The following TMEM132C variants were observed in gnomAD, a reference collection of about 807,000 sequenced individuals.
TMEM132C encodes protein phosphatase 1, regulatory subunit 152.
TMEM132C carries 29 observed loss-of-function variants against 61.4 expected under a neutral mutation model. That is an observed-to-expected ratio of 0.47 (90% CI 0.35 to 0.64). The LOEUF (loss-of-function observed/expected upper bound fraction) is 0.64, where lower values mean the gene tolerates loss of function less well. Among genes scored for constraint, TMEM132C ranks in the 30% least tolerant of loss-of-function variants. TMEM132C has a pLI of 0.00. For synonymous variants in TMEM132C, 656 were observed against 633.1 expected, an observed-to-expected ratio of 1.04 and a Z score of -0.54; for missense variants, 1,408 against 1,476.9, an observed-to-expected ratio of 0.95 and a Z score of 0.76.
Position 128,552,410 on chromosome 12 carries a change from A to G in TMEM132C, c.1121+8307A>G, listed in dbSNP as rs111421166. 4.5e-3 allele frequency among the ~76,000 whole-genome samples: 693 copies of G among 152,346 alleles called. 11 individuals carry two copies. Among genetic ancestry groups the G allele is most frequent in the African/African-American group, 0.016 (661 of 41,584 alleles). Reference sequence around the variant, plus strand: ...TACATTATTTCAGTAAATCTTTCTAACGGTCTCATGAACTGAGGTATCATA... The same window carrying G: ...TACATTATTTCAGTAAATCTTTCTAGCGGTCTCATGAACTGAGGTATCATA... On this transcript the variant is annotated intron_variant, in intron 3 of 8. Coordinates refer to ENST00000435159, the MANE Select transcript of TMEM132C (RefSeq NM_001136103.3).
intron 1 of TMEM132C, among the ~76,000 whole-genome samples, chr12:128,272,991 G>A (rs1870572378): frequency 6.6e-6 from 1 of 152,120 alleles, no homozygotes; most frequent in Non-Finnish European, 1.5e-5. Context: ...ATGATGTTTA[G>A]TTTATTAATA....
At chr12:128,505,069 GC>G (rs1872313254) in intron 2 of TMEM132C, among the ~76,000 whole-genome samples, 1 of 149,188 alleles carries the variant, frequency 6.7e-6, no homozygotes, top group African/African-American at 2.4e-5. Context: ...GTGTTAGAGA[GC>G]CCTAGTGAGC....
intron 4 of TMEM132C, among the ~76,000 whole-genome samples, chr12:128,623,721 T>C (rs1953988862): frequency 3.3e-5 from 5 of 151,804 alleles, no homozygotes; most frequent in Admixed American, 2.6e-4. Flanking sequence ...GACAGGAGAA[T>C]CACTTGAACC....
At chr12:128,365,060 ACTT>A (rs1873820873) in intron 1 of TMEM132C, among the ~76,000 whole-genome samples, 3 of 152,244 alleles carry the variant, frequency 2.0e-5, no homozygotes, top group African/African-American at 7.2e-5. Flanking sequence ...TGATGGAGGG[ACTT>A]GGAGAACTGG....
intron 7 of TMEM132C, 132 bp downstream of exon 7, chr12:128,696,235 C>G (rs904070407): frequency 7.9e-7 from 1 of 1,273,076 alleles, no homozygotes; most frequent in East Asian, 2.6e-5. Flanking sequence ...GGAAGATGAG[C>G]CCAGGCCAGA....
chr12:128,421,495 A>G (rs1868987251), intron 2 of TMEM132C, among the ~76,000 whole-genome samples: 1 of 152,206 alleles, frequency 6.6e-6, no homozygotes, highest in Admixed American at 6.5e-5. Context: ...TCTTCGCACA[A>G]TGGTTTCACT....
At chr12:128,607,158 A>C (rs571016343) in intron 3 of TMEM132C, among the ~76,000 whole-genome samples, 1 of 152,288 alleles carries the variant, frequency 6.6e-6, no homozygotes, top group South Asian at 2.1e-4. Context: ...TGTGTGACCA[A>C]AGATTATTCC....
intron 1 of TMEM132C, among the ~76,000 whole-genome samples, chr12:128,306,142 G>T (rs1475393282): frequency 6.6e-6 from 1 of 151,854 alleles, no homozygotes; most frequent in African/African-American, 2.4e-5. Context: ...AGTGACTTCA[G>T]GTTGAAACAT....
intron 4 of TMEM132C, among the ~76,000 whole-genome samples, chr12:128,634,127 G>A (rs544973849): frequency 7.7e-4 from 117 of 152,334 alleles, no homozygotes; most frequent in African/African-American, 2.7e-3. Flanking sequence ...AGGCTGGAGT[G>A]CAGTGGCGTG....
At chr12:128,408,933 A>G (rs1317860957) in intron 1 of TMEM132C, among the ~76,000 whole-genome samples, 1 of 152,156 alleles carries the variant, frequency 6.6e-6, no homozygotes, top group Admixed American at 6.5e-5. Context: ...AGGCTGCCCC[A>G]TATGCTGGCG....
At chr12:128,678,234 T>C (rs528140509) in intron 5 of TMEM132C, among the ~76,000 whole-genome samples, 5 of 152,280 alleles carry the variant, frequency 3.3e-5, no homozygotes, top group Non-Finnish European at 7.4e-5. Flanking sequence ...TTGGTGGTTC[T>C]CAGATGAAAG....
intron 1 of TMEM132C, among the ~76,000 whole-genome samples, chr12:128,348,477 T>A (rs78091141): frequency 6.6e-6 from 1 of 152,240 alleles, no homozygotes; most frequent in African/African-American, 2.4e-5. Context: ...CAAGTAGACA[T>A]GGTGAGAGCA....
intron 2 of TMEM132C, among the ~76,000 whole-genome samples, chr12:128,426,575 G>C (rs1434342037): frequency 6.6e-6 from 1 of 152,202 alleles, no homozygotes; most frequent in East Asian, 1.9e-4. Flanking sequence ...TCCAAAGGAA[G>C]GGTTTGTTTT....
chr12:128,327,651 G>A (rs964160826), intron 1 of TMEM132C, among the ~76,000 whole-genome samples: 1 of 152,122 alleles, frequency 6.6e-6, no homozygotes, highest in Non-Finnish European at 1.5e-5. Context: ...CCAAAGTGCT[G>A]GGATTACAGG....
intron 1 of TMEM132C, chr12:128,404,911 C>T (rs1337111010): frequency 3.9e-5 from 6 of 152,158 alleles, no homozygotes; most frequent in Non-Finnish European, 8.8e-5. Context: ...ACACAATATC[C>T]CCAACACTGA....
At position 128,385,400 on chromosome 12, in the gene TMEM132C, G is replaced by C. The variant is rs11836303; in HGVS notation, c.86-29332G>C. ...CATTGCAAAGATTCGAGACATAAAC[G>C]CCGAGTCCTCGCACAGAGCCTGATA... On this transcript the variant is annotated intron_variant, in intron 1 of 8. Transcript: ENST00000435159. Among the ~76,000 whole-genome samples, 11 of 133,712 alleles carry C rather than the reference G, an allele frequency of 8.2e-5. 1 individual carries two copies. Among genetic ancestry groups the C allele is most frequent in the South Asian group, 2.5e-4 (1 of 4,016 alleles). The allele number at this position is 133,712 out of a possible 152,430, so 87.7% of individuals were successfully genotyped here. A position where few individuals can be genotyped will look rare whatever the true frequency, so the allele number is the denominator to read the frequency against.
chr12:128,672,748 A>C (rs544916262), intron 5 of TMEM132C, among the ~76,000 whole-genome samples: 5 of 152,336 alleles, frequency 3.3e-5, no homozygotes, highest in Admixed American at 3.3e-4. Context: ...AGTTGGGTAC[A>C]GCTCAGAATG....
chr12:128,418,609 C>T (rs939201341), intron 2 of TMEM132C, among the ~76,000 whole-genome samples: 5 of 152,222 alleles, frequency 3.3e-5, no homozygotes, highest in East Asian at 1.9e-4. Flanking sequence ...AGTGATTGCT[C>T]GTAGACCCCT....
chr12:128,355,934 C>CAGGCAATA (rs1438730308), intron 1 of TMEM132C, among the ~76,000 whole-genome samples: 5 of 152,182 alleles, frequency 3.3e-5, no homozygotes, highest in Middle Eastern at 3.2e-3. Flanking sequence ...TGTCACCATC[C>CAGGCAATA]TGTCACGGTG....
Sources: allele counts gnomAD v4.1 joint callset (sites outside exome capture counted in the v4.1 genomes callset), GRCh38; gene constraint gnomAD v4.1.1; transcripts MANE v1.5; gene names NCBI Gene and HGNC (gene_info 2026-07-23, HGNC 2026-07-21).